The following SYTL5 variants were observed in gnomAD, a reference collection of about 807,000 sequenced individuals.
The protein encoded by SYTL5 is synaptotagmin like 5.
Under a neutral mutation model 55.9 loss-of-function variants are expected in SYTL5, and 34 were observed. The observed-to-expected ratio is 0.61, with a 90% CI of 0.46 to 0.81. The LOEUF is 0.81. SYTL5 is among the 30% of genes least tolerant of loss of function. The pLI, the probability that SYTL5 is intolerant of heterozygous loss-of-function variation, is 0.00. For missense variants in SYTL5, 637 were observed against 546.7 expected, an observed-to-expected ratio of 1.17 and a Z score of -1.65; for synonymous variants, 221 against 188.7, an observed-to-expected ratio of 1.17 and a Z score of -1.40.
In SYTL5 at chrX:38,122,196, T is replaced by G; in HGVS notation, c.1822T>G (p.Ser608Ala). 2 of 1,207,465 alleles carry G rather than the reference T, an allele frequency of 1.7e-6. No individual in the cohort carries two copies. The highest frequency in any genetic ancestry group is 3.6e-5 in the South Asian group (2 of 56,052). Residue 608 changes from serine (S) to alanine (A), a missense_variant, in exon 15 of 17, where the codon TCT becomes GCT. Transcript: ENST00000297875. ...GACAGCAGTGAAGTCAGGAGGCACT[T>G]CTGATAGCTTTGTGAAGGGGTAACT... is the stretch of plus-strand genomic sequence containing the variant. ...NLTAVKSGGT[S>A]DSFVKGYLLP...
the SYTL5 span, among the ~76,000 whole-genome samples, chrX:37,970,220 T>C: frequency 9.0e-6 from 1 of 111,627 alleles, no homozygotes; most frequent in Admixed American, 9.5e-5. Context: ...CTACGACTTA[T>C]GTAGTTCATT....
At chrX:37,967,107 A>G in the SYTL5 span, among the ~76,000 whole-genome samples, 9 of 111,631 alleles carry the variant, frequency 8.1e-5, no homozygotes, top group African/African-American at 2.9e-4. Flanking sequence ...GCTGGAGTGC[A>G]GTGGTGCGAA....
chrX:38,060,754 T>G lies in SYTL5; in HGVS notation c.329+6332T>G, dbSNP rs555503925. 5.3e-4 allele frequency among the ~76,000 whole-genome samples: 60 copies of G among 112,405 alleles called. No homozygotes were observed. In the Admixed American group the frequency reaches 5.6e-3, roughly 10 times the overall value. On this transcript the variant is annotated intron_variant, in intron 3 of 16. Coordinates refer to ENST00000297875, the MANE Select transcript of SYTL5 (RefSeq NM_138780.3). ...TAAATTCCTAACTGTCACGTAAAGATGTAACATAAGTTGTTGTCAGAGGGT... is the reference window on the plus strand; with the variant it reads ...TAAATTCCTAACTGTCACGTAAAGAGGTAACATAAGTTGTTGTCAGAGGGT...
chrX:37,911,160 C>T, the SYTL5 span, among the ~76,000 whole-genome samples: 3 of 108,641 alleles, frequency 2.8e-5, no homozygotes, highest in Non-Finnish European at 3.8e-5. Context: ...TTAGGAGAGA[C>T]GAGGTTTCAG....
intron 6 of SYTL5, among the ~76,000 whole-genome samples, chrX:38,080,444 G>A (rs750643282): frequency 3.6e-5 from 4 of 110,916 alleles, no homozygotes; most frequent in South Asian, 3.9e-4. Flanking sequence ...TCCACTCCAC[G>A]CACACCAGTT....
chrX:38,091,965 G>A (rs1462201674), intron 7 of SYTL5, among the ~76,000 whole-genome samples: 1 of 111,451 alleles, frequency 9.0e-6, no homozygotes, highest in Non-Finnish European at 1.9e-5. Flanking sequence ...TTGCAATCTA[G>A]CTGGTCTAAG....
chrX:37,924,827 G>A, the SYTL5 span, among the ~76,000 whole-genome samples: 1 of 111,639 alleles, frequency 9.0e-6, no homozygotes, highest in Non-Finnish European at 1.9e-5. Context: ...TCAAATCAGG[G>A]TAATTGGGAT....
chrX:38,001,878 AC>A (rs1255492249), upstream of SYTL5, among the ~76,000 whole-genome samples: 2 of 110,924 alleles, frequency 1.8e-5, no homozygotes, highest in African/African-American at 6.6e-5. Flanking sequence ...TATATTTTTT[AC>A]TATACTTTAA....
chrX:37,891,617 C>T, the SYTL5 span, among the ~76,000 whole-genome samples: 9 of 111,044 alleles, frequency 8.1e-5, no homozygotes, highest in African/African-American at 6.5e-5. Flanking sequence ...GGGTGAATTG[C>T]GTGTTATGTA....
At chrX:38,070,526 T>C (rs1242584162) in intron 3 of SYTL5, among the ~76,000 whole-genome samples, 1 of 111,295 alleles carries the variant, frequency 9.0e-6, no homozygotes, top group African/African-American at 3.3e-5. Context: ...ACCTCTGGTT[T>C]CTCTCTTCTT....
intron 14 of SYTL5, among the ~76,000 whole-genome samples, chrX:38,121,853 CTT>C (rs900405521): frequency 5.3e-5 from 6 of 112,316 alleles, no homozygotes; most frequent in African/African-American, 1.9e-4. Context: ...AAATTTATTT[CTT>C]CATTTGTTTC....
At chrX:37,946,423 C>T in the SYTL5 span, 2 of 213,493 alleles carry the variant, frequency 9.4e-6, no homozygotes, top group Non-Finnish European at 1.8e-5. Context: ...GAGTTTCAAG[C>T]TCCATTTGGA....
chrX:38,015,148 A>T (rs1207635222), intron 1 of SYTL5, among the ~76,000 whole-genome samples: 1 of 112,482 alleles, frequency 8.9e-6, no homozygotes, highest in Non-Finnish European at 1.9e-5. Context: ...TATTACCATG[A>T]CTCATAAGGA....
chrX:38,122,941 T>C (rs1007617331), intron 15 of SYTL5, among the ~76,000 whole-genome samples: 4 of 112,626 alleles, frequency 3.6e-5, no homozygotes, highest in African/African-American at 1.3e-4. Flanking sequence ...CAAAAATAAA[T>C]AACATATTAT....
At chrX:38,080,556 A>C (rs946719957) in intron 6 of SYTL5, among the ~76,000 whole-genome samples, 4 of 111,411 alleles carry the variant, frequency 3.6e-5, no homozygotes, top group Non-Finnish European at 7.5e-5. Context: ...GATCCACCAA[A>C]AGCAGAGACC....
intron 6 of SYTL5, among the ~76,000 whole-genome samples, chrX:38,083,485 T>C (rs751228286): frequency 8.9e-6 from 1 of 111,985 alleles, no homozygotes; most frequent in South Asian, 3.7e-4. Flanking sequence ...CACAATTTCA[T>C]TGAGTGCCCA....
At chrX:37,921,698 A>G in the SYTL5 span, among the ~76,000 whole-genome samples, 1 of 111,918 alleles carries the variant, frequency 8.9e-6, no homozygotes, top group Non-Finnish European at 1.9e-5. Flanking sequence ...AGTATTAACT[A>G]CTATTTCTAT....
At chrX:38,124,492 C>T (rs1226003385) in intron 15 of SYTL5, among the ~76,000 whole-genome samples, 1 of 111,800 alleles carries the variant, frequency 8.9e-6, no homozygotes. Context: ...CTAAAGTATG[C>T]TCCCTGAAGG....
At chrX:38,044,314 C>G (rs1407092314) in intron 2 of SYTL5, among the ~76,000 whole-genome samples, 1 of 111,702 alleles carries the variant, frequency 9.0e-6, no homozygotes, top group African/African-American at 3.2e-5. Flanking sequence ...TAAGTATCAC[C>G]TAAAAAGGTA....
Sources: gnomAD v4.1 joint callset for allele counts (sites outside exome capture counted in the v4.1 genomes callset) on GRCh38, gnomAD v4.1.1 for gene constraint, MANE v1.5 for transcripts, NCBI Gene and HGNC (gene_info 2026-07-23, HGNC 2026-07-21) for gene names.